Variants in CHD9 observed in about 807,000 individuals in gnomAD.
CHD9 encodes ATP-dependent chromatin remodeler CHD9.
Under a neutral mutation model 316.1 loss-of-function variants are expected in CHD9, and 77 were observed. The observed-to-expected ratio is 0.24, with a 90% CI of 0.20 to 0.29. The LOEUF (loss-of-function observed/expected upper bound fraction) is 0.29. Ranked by LOEUF, CHD9 falls within the 10% of genes least tolerant of loss-of-function variation. CHD9 has a pLI of 1.00. For missense variants in CHD9, 2,763 were observed against 3,438.1 expected, an observed-to-expected ratio of 0.80 and a Z score of 4.91; for synonymous variants, 1,129 against 1,158.3, an observed-to-expected ratio of 0.97 and a Z score of 0.51.
At chr16:53,085,639 C>G (rs1226366524) in intron 1 of CHD9, among the ~76,000 whole-genome samples, 4 of 152,214 alleles carry the variant, frequency 2.6e-5, no homozygotes, top group Admixed American at 6.5e-5. Flanking sequence ...CCAGATAACA[C>G]ACACCCGCTT....
intron 33 of CHD9, 92 bp from the exon 34 acceptor site, chr16:53,308,594 A>AT: frequency 3.8e-5 from 33 of 860,642 alleles, no homozygotes; most frequent in East Asian, 5.4e-5. Context: ...TTTTTACTTC[A>AT]TTTTTTTTCC....
chr16:53,284,606 T>C (rs1013888828), intron 24 of CHD9, among the ~76,000 whole-genome samples: 1 of 152,056 alleles, frequency 6.6e-6, no homozygotes, highest in Non-Finnish European at 1.5e-5. Context: ...AATAAGAAAA[T>C]TATAGTTGCA....
chr16:53,185,043 C>T (rs958097843), intron 2 of CHD9, among the ~76,000 whole-genome samples: 9 of 152,122 alleles, frequency 5.9e-5, no homozygotes, highest in Admixed American at 5.9e-4. Flanking sequence ...TTGGGAAGTT[C>T]TTTATAGCAA....
chr16:53,176,543 A>G (rs1001674817), intron 2 of CHD9, among the ~76,000 whole-genome samples: 1 of 152,224 alleles, frequency 6.6e-6, no homozygotes, highest in Admixed American at 6.5e-5. Flanking sequence ...ACAAGCCATA[A>G]AGGTCAATTA....
intron 2 of CHD9, among the ~76,000 whole-genome samples, chr16:53,187,279 A>G (rs929828169): frequency 1.3e-5 from 2 of 152,166 alleles, no homozygotes; most frequent in Non-Finnish European, 2.9e-5. Context: ...AGACTGAGGC[A>G]GGAAGATCAC....
intron 32 of CHD9, among the ~76,000 whole-genome samples, chr16:53,306,926 C>G (rs141864985): frequency 6.6e-6 from 1 of 152,174 alleles, no homozygotes; most frequent in South Asian, 2.1e-4. Flanking sequence ...ATTACAGGCA[C>G]CCACCACCCT....
chr16:53,068,794 CAAAG>C (rs2033750613), intron 1 of CHD9, among the ~76,000 whole-genome samples: 1 of 152,152 alleles, frequency 6.6e-6, no homozygotes, highest in Non-Finnish European at 1.5e-5. Context: ...TTTGACAAGA[CAAAG>C]GAAGTAGGGG....
chr16:53,208,018 G>A (rs929139304), intron 2 of CHD9: 1 of 996,220 alleles, frequency 1.0e-6, no homozygotes, highest in African/African-American at 1.7e-5. Context: ...GATGCTTTGT[G>A]CATTCATTTC....
chr16:53,167,028 C>T (rs1322237885), intron 2 of CHD9, among the ~76,000 whole-genome samples: 1 of 152,098 alleles, frequency 6.6e-6, no homozygotes. Context: ...TTAGCATGTT[C>T]CTTTCATAGA....
intron 1 of CHD9, among the ~76,000 whole-genome samples, chr16:53,151,672 G>T (rs1432308833): frequency 6.6e-6 from 1 of 152,116 alleles, no homozygotes; most frequent in Admixed American, 6.5e-5. Flanking sequence ...ATCTCCTGTT[G>T]AACAACGATA....
intron 1 of CHD9, among the ~76,000 whole-genome samples, chr16:53,066,804 G>C (rs1037499248): frequency 6.6e-6 from 1 of 152,074 alleles, no homozygotes; most frequent in African/African-American, 2.4e-5. Flanking sequence ...GCATGTTAGC[G>C]GGCCAGTTTC....
intron 1 of CHD9, among the ~76,000 whole-genome samples, chr16:53,138,828 T>C (rs2039897686): frequency 1.3e-5 from 2 of 152,146 alleles, no homozygotes; most frequent in Non-Finnish European, 2.9e-5. Flanking sequence ...ATTTAGAAAA[T>C]GGAGGCAACA....
At chr16:53,151,570 T>A (rs1214337279) in intron 1 of CHD9, among the ~76,000 whole-genome samples, 1 of 152,128 alleles carries the variant, frequency 6.6e-6, no homozygotes, top group Non-Finnish European at 1.5e-5. Flanking sequence ...CATTATTTTT[T>A]CTTTGTGATC....
chr16:53,070,468 A>C (rs1330610811), intron 1 of CHD9, among the ~76,000 whole-genome samples: 1 of 150,718 alleles, frequency 6.6e-6, no homozygotes, highest in East Asian at 2.0e-4. Flanking sequence ...CACGAGTAGC[A>C]TGTCTTTCTT....
intron 1 of CHD9, among the ~76,000 whole-genome samples, chr16:53,152,911 T>G (rs2152739422): frequency 6.6e-6 from 1 of 152,244 alleles, no homozygotes; most frequent in South Asian, 2.1e-4. Context: ...CATTTGTAGA[T>G]TGTAGATTGA....
chr16:53,231,523 A>T lies in CHD9; in HGVS notation c.2373+18A>T. On this transcript the variant is annotated intron_variant, in intron 9 of 38. Transcript: ENST00000447540. ...CTGGTGAGGTAAATATATGGTAAAA[A>T]GATTTTTTAAGTAAGAAAAATCTGA... 1 of 1,481,258 alleles carries T rather than the reference A, an allele frequency of 6.8e-7. No individual in the cohort carries two copies. Among genetic ancestry groups the T allele is most frequent in the East Asian group, 2.3e-5 (1 of 44,116 alleles). 91.8% of individuals were successfully genotyped at this position (1,481,258 alleles called of 1,614,324 possible).
At position 53,245,848 on chromosome 16, in the gene CHD9, A is replaced by C; in HGVS notation, c.3452A>C (p.Lys1151Thr). 6.7e-7 allele frequency: 1 copy of C among 1,496,268 alleles called. No individual in the cohort carries two copies. Among genetic ancestry groups the C allele is most frequent in the Non-Finnish European group, 8.9e-7 (1 of 1,123,964 alleles). The allele number at this position is 1,496,268 out of a possible 1,614,324, so 92.7% of individuals were successfully genotyped here. A position where few individuals can be genotyped will look rare whatever the true frequency, so the allele number is the denominator to read the frequency against. ...TGTTGTAATCATCCATATCTTATAA[A>C]AGGTAGCTAAAAAAGATTACAACAA... ...RKCCNHPYLI[K>T]GAEEKILGEF... is the part of the protein sequence containing the mutation. Residue 1151 changes from lysine to threonine, a missense_variant and splice_region_variant, in exon 15 of 39, where the codon AAA (lysine) becomes ACA (threonine). Lys to Thr is a moderately conservative substitution (Grantham distance 78). This residue lies in a region of CHD9 where 155 missense variants were observed against 291.8 expected (regional missense o/e 0.53). Transcript: ENST00000447540. The surrounding 1 kb of genome is among the most constrained non-coding windows in gnomAD (Gnocchi z 4.1).
At position 53,226,412 on chromosome 16, in the gene CHD9, A is replaced by T; in HGVS notation, c.1943A>T (p.Asp648Val). ...ATTAAAAGAAAAAAATACGCAGAAG[A>T]TATAGAAGGGAAGCAATCTGAAGAA... ...RQIKRKKYAE[D>V]IEGKQSEEEV... Residue 648 changes from aspartate (D) to valine (V), a missense_variant, in exon 5 of 39, where the codon GAT (aspartate) becomes GTT (valine). By Grantham distance (152) the Asp-to-Val change is radical. This residue lies in a region of CHD9 where 859 missense variants were observed against 890.4 expected (regional missense o/e 0.96). Coordinates refer to ENST00000447540, the MANE Select transcript of CHD9 (RefSeq NM_001308319.2). 5.0e-6 allele frequency: 8 copies of T among 1,599,434 alleles called. No individual in the cohort carries two copies. Among genetic ancestry groups the T allele is most frequent in the Middle Eastern group, 3.3e-4 (2 of 6,018 alleles).
chr16:53,262,984 C>T lies in CHD9; in HGVS notation c.4210-3C>T, dbSNP rs2051294705. On this transcript the variant is annotated splice_polypyrimidine_tract_variant and splice_region_variant and intron_variant, in intron 19 of 38. Transcript: ENST00000447540. ...CCTCTAAAACTGCCATTATATATTTCAGGCGAGTTTTGTGGCATCTGGAAA... is the reference window on the plus strand; with the variant it reads ...CCTCTAAAACTGCCATTATATATTTTAGGCGAGTTTTGTGGCATCTGGAAA... The T allele has an allele frequency of 9.9e-6, 16 of 1,609,896 alleles. No homozygotes were observed. The highest frequency in any genetic ancestry group is 1.3e-5 in the African/African-American group (1 of 74,916).
Sources: allele counts gnomAD v4.1 joint callset (sites outside exome capture counted in the v4.1 genomes callset), GRCh38; gene constraint gnomAD v4.1.1; regional missense constraint gnomAD v4.1.1; non-coding constraint Gnocchi (gnomAD v3.1); transcripts MANE v1.5; gene names NCBI Gene and HGNC (gene_info 2026-07-23, HGNC 2026-07-21).